The following NAMPT variants were observed in gnomAD, a reference collection of about 807,000 sequenced individuals.
NAMPT encodes NAmPRTase.
Under a neutral mutation model 58.7 loss-of-function variants are expected in NAMPT, and 7 were observed. The ratio of observed to expected loss-of-function variants is 0.12; its 90% CI spans 0.07 to 0.22. NAMPT has a LOEUF of 0.22. Among genes scored for constraint, NAMPT ranks in the 10% least tolerant of loss-of-function variants. The pLI, the probability that NAMPT is intolerant of heterozygous loss-of-function variation, is 1.00. For missense variants in NAMPT, 271 were observed against 567.9 expected (o/e 0.48, Z 5.31); for synonymous variants, 145 against 198.1 (o/e 0.73, Z 2.25).
intron 1 of NAMPT, chr7:106,284,554 C>T: frequency 5.8e-6 from 1 of 173,370 alleles, no homozygotes; most frequent in Non-Finnish European, 1.2e-5. Flanking sequence ...CTGGGGCCCG[C>T]CTCAGCCCCC....
chr7:106,266,768 T>C (rs1792420486), intron 6 of NAMPT, among the ~76,000 whole-genome samples: 2 of 152,244 alleles, frequency 1.3e-5, no homozygotes, highest in Admixed American at 1.3e-4. Flanking sequence ...ATAGATATCC[T>C]GCTATAAAAA....
chr7:106,275,596 A>G (rs1293814737), intron 2 of NAMPT: 4 of 152,308 alleles, frequency 2.6e-5, no homozygotes, highest in African/African-American at 9.6e-5. Context: ...ACTTACAATA[A>G]TGCTGGCCTA....
intron 8 of NAMPT, among the ~76,000 whole-genome samples, chr7:106,254,901 G>T (rs146343572): frequency 6.6e-6 from 1 of 152,238 alleles, no homozygotes; most frequent in East Asian, 1.9e-4. Context: ...TAGACTCTAG[G>T]AATGACTGTA....
chr7:106,270,217 T>A (rs1792506749), intron 4 of NAMPT: 1 of 339,858 alleles, frequency 2.9e-6, no homozygotes. Context: ...GCTTAGAAAT[T>A]CACTTCTTCA....
chr7:106,254,929 A>C (rs115288891), intron 8 of NAMPT, among the ~76,000 whole-genome samples: 312 of 152,348 alleles, frequency 2.0e-3, no homozygotes, highest in African/African-American at 7.2e-3. Flanking sequence ...CCAATAAGTC[A>C]CAATACACTG....
upstream of NAMPT, chr7:106,285,341 G>C (rs1057026639): frequency 4.4e-6 from 2 of 456,170 alleles, no homozygotes; most frequent in African/African-American, 4.3e-5. Flanking sequence ...CCCGGCACGG[G>C]CGCGGGAGGG....
rs557885090 is a variant in NAMPT, at chr7:106,258,305, G to C, written c.1089+3283C>G. On this transcript the variant is annotated intron_variant, in intron 8 of 10. Coordinates refer to ENST00000222553, the MANE Select transcript of NAMPT (RefSeq NM_005746.3). ...TTGATTTGGAAGTGAGAAGTATTAT[G>C]TACAACAATCTTTGGAAAACTACTA... Among the ~76,000 whole-genome samples, 3 of 152,204 alleles carry C rather than the reference G, an allele frequency of 2.0e-5. No individual in the cohort carries two copies. The South Asian group carries it at 6.2e-4, about 32-fold the overall frequency.
chr7:106,273,075 G>A, intron 3 of NAMPT, among the ~76,000 whole-genome samples: 1 of 152,158 alleles, frequency 6.6e-6, no homozygotes, highest in Non-Finnish European at 1.5e-5. Context: ...AAAGGCTGCA[G>A]ATTGAAAGAT....
At chr7:106,269,382 CT>C (rs35479106) in intron 4 of NAMPT, 70 bp from the exon 5 acceptor site, 127,980 of 1,092,350 alleles carry the variant, frequency 0.12, no homozygotes, top group South Asian at 0.16. Flanking sequence ...AAAATCCTAG[CT>C]TTTTTTTTTT....
chr7:106,275,106 G>A, intron 2 of NAMPT, 57 bp from the exon 3 acceptor site: 3 of 1,085,352 alleles, frequency 2.8e-6, no homozygotes. Flanking sequence ...GTGAGTTGCT[G>A]AACTGTCACA....
In NAMPT at chr7:106,261,768, T is replaced by C. The variant is rs572373274; in HGVS notation, c.970-61A>G. Reference sequence around the variant, plus strand: ...AAAGCTGAAAACAAGTATAAGAGCTTTTCAAAGTTAAATGATTTTGCTTTG... The same window carrying C: ...AAAGCTGAAAACAAGTATAAGAGCTCTTCAAAGTTAAATGATTTTGCTTTG... On this transcript the variant is annotated intron_variant, in intron 7 of 10. Coordinates refer to ENST00000222553, the MANE Select transcript of NAMPT (RefSeq NM_005746.3). 4.7e-6 allele frequency: 7 copies of C among 1,502,920 alleles called. No homozygotes were observed. In the South Asian group the frequency reaches 6.0e-5, roughly 13 times the overall value. 93.1% of individuals were successfully genotyped at this position (1,502,920 alleles called of 1,614,324 possible). A position where few individuals can be genotyped will look rare whatever the true frequency, so the allele number is the denominator to read the frequency against.
At chr7:106,270,186 G>T in intron 4 of NAMPT, 1 of 279,252 alleles carries the variant, frequency 3.6e-6, no homozygotes, top group Non-Finnish European at 8.0e-6. Context: ...TCTAATCACA[G>T]CAACCGTAAT....
upstream of NAMPT, chr7:106,285,291 G>A (rs575958039): frequency 1.2e-5 from 8 of 691,162 alleles, no homozygotes; most frequent in South Asian, 3.4e-4. Flanking sequence ...CAGCGGGGCA[G>A]CCCCGGCGCG....
chr7:106,268,317 CT>C (rs777033116), intron 6 of NAMPT, 146 bp downstream of exon 6: 23 of 715,384 alleles, frequency 3.2e-5, no homozygotes, highest in Non-Finnish European at 5.0e-5. Context: ...AATGTTTATA[CT>C]TTTGTATAAA....
At chr7:106,259,570 A>G (rs1249087065) in intron 8 of NAMPT, among the ~76,000 whole-genome samples, 1 of 152,062 alleles carries the variant, frequency 6.6e-6, no homozygotes, top group Non-Finnish European at 1.5e-5. Flanking sequence ...GACTACAGGC[A>G]TGCATTGCCC....
At position 106,250,760 on chromosome 7, in the gene NAMPT, T is replaced by C. The variant is rs1252601927; in HGVS notation, c.*323A>G. ...ACATAAAGCAATCATGGTAATTTTA[T>C]GCAAATCTGTTTTATGTGATCATCA... On this transcript the variant is annotated 3_prime_UTR_variant, in exon 11 of 11. Transcript: ENST00000222553. The C allele has an allele frequency of 7.7e-5, 17 of 219,994 alleles. No homozygotes were observed. Among genetic ancestry groups the C allele is most frequent in the Non-Finnish European group, 9.8e-5 (11 of 112,278 alleles). 13.6% of individuals were successfully genotyped at this position (219,994 alleles called of 1,614,324 possible).
intron 8 of NAMPT, among the ~76,000 whole-genome samples, chr7:106,260,296 C>T (rs1176714527): frequency 6.6e-6 from 1 of 152,230 alleles, no homozygotes; most frequent in Non-Finnish European, 1.5e-5. Flanking sequence ...TCATTCTGCA[C>T]TCATGGAGAT....
intron 1 of NAMPT, among the ~76,000 whole-genome samples, chr7:106,280,760 T>C (rs1192399909): frequency 6.6e-6 from 1 of 151,896 alleles, no homozygotes; most frequent in Admixed American, 6.6e-5. Context: ...GCTAACATGG[T>C]GAAACCCCGT....
intron 7 of NAMPT, among the ~76,000 whole-genome samples, chr7:106,262,511 T>C (rs1400289392): frequency 1.3e-5 from 2 of 152,094 alleles, no homozygotes; most frequent in East Asian, 1.9e-4. Flanking sequence ...AAACCAAATA[T>C]TGCAGGCTAA....
Sources: allele counts gnomAD v4.1 joint callset (sites outside exome capture counted in the v4.1 genomes callset), GRCh38; gene constraint gnomAD v4.1.1; transcripts MANE v1.5; gene names NCBI Gene and HGNC (gene_info 2026-07-23, HGNC 2026-07-21).